UNC13C: variants seen among roughly 807,000 people sequenced by gnomAD.
UNC13C encodes the protein protein unc-13 homolog C.
In UNC13C, 174 loss-of-function variants were observed where a neutral mutation model predicts 245.4. That is an observed-to-expected ratio of 0.71 (90% confidence interval 0.63 to 0.80). The LOEUF is 0.80. Ranked by LOEUF, UNC13C falls within the 30% of genes least tolerant of loss-of-function variation. UNC13C has a pLI of 0.00. For synonymous variants in UNC13C, 992 were observed against 895.1 expected (o/e 1.11, Z -1.93); for missense variants, 2,829 against 2,602.9 (o/e 1.09, Z -1.89).
At chr15:54,329,275 A>G (rs552311169) in intron 14 of UNC13C, among the ~76,000 whole-genome samples, 12 of 151,896 alleles carry the variant, frequency 7.9e-5, no homozygotes, top group African/African-American at 2.9e-4. Flanking sequence ...TCATTTCTTC[A>G]TGTTGGGAAC....
At chr15:54,118,177 T>C (rs1229509191) in intron 2 of UNC13C, among the ~76,000 whole-genome samples, 1 of 152,164 alleles carries the variant, frequency 6.6e-6, no homozygotes, top group Non-Finnish European at 1.5e-5. Flanking sequence ...GAATTGTTTT[T>C]TCTATTTTTG....
chr15:54,188,892 G>A (rs969977118), intron 4 of UNC13C, among the ~76,000 whole-genome samples: 6 of 152,130 alleles, frequency 3.9e-5, no homozygotes, highest in African/African-American at 9.7e-5. Context: ...CTTATCTTAG[G>A]AAGAAATGCA....
the UNC13C span, among the ~76,000 whole-genome samples, chr15:53,898,866 G>T: frequency 5.9e-5 from 9 of 151,902 alleles, no homozygotes; most frequent in Middle Eastern, 3.4e-3. Flanking sequence ...GACTATATTC[G>T]CTATGCTGTA....
intron 2 of UNC13C, among the ~76,000 whole-genome samples, chr15:54,020,732 A>G (rs984860794): frequency 6.6e-6 from 1 of 152,196 alleles, no homozygotes; most frequent in Non-Finnish European, 1.5e-5. Flanking sequence ...TGAATTTAAA[A>G]TTTTAGAAAT....
chr15:53,924,871 A>G, the UNC13C span, among the ~76,000 whole-genome samples: 1 of 152,228 alleles, frequency 6.6e-6, no homozygotes. Flanking sequence ...ACCAAAAATT[A>G]ATGTTTTCCC....
chr15:54,603,396 T>C (rs1899558221), intron 30 of UNC13C, among the ~76,000 whole-genome samples: 1 of 152,212 alleles, frequency 6.6e-6, no homozygotes, highest in African/African-American at 2.4e-5. Flanking sequence ...ACACCCTGTA[T>C]AGTGAAAGAT....
At chr15:54,279,272 TAA>T (rs1450379379) in intron 10 of UNC13C, among the ~76,000 whole-genome samples, 2 of 152,198 alleles carry the variant, frequency 1.3e-5, no homozygotes, top group Non-Finnish European at 2.9e-5. Context: ...TGTGAATTCT[TAA>T]GAACATTTGC....
chr15:54,332,523 T>C (rs2038466387), intron 15 of UNC13C, among the ~76,000 whole-genome samples: 1 of 152,014 alleles, frequency 6.6e-6, no homozygotes, highest in Non-Finnish European at 1.5e-5. Flanking sequence ...TACTGCTTCA[T>C]TCTCTTTCCT....
At chr15:54,325,640 C>T (rs969444359) in intron 14 of UNC13C, among the ~76,000 whole-genome samples, 5 of 151,812 alleles carry the variant, frequency 3.3e-5, no homozygotes, top group East Asian at 1.9e-4. Flanking sequence ...ACCTCCCACT[C>T]GTGAGTGAGA....
At chr15:54,047,723 C>A (rs1245219281) in intron 2 of UNC13C, among the ~76,000 whole-genome samples, 1 of 152,092 alleles carries the variant, frequency 6.6e-6, no homozygotes, top group Non-Finnish European at 1.5e-5. Context: ...TAAGTATCTG[C>A]TTTTTAAACA....
intron 4 of UNC13C, among the ~76,000 whole-genome samples, chr15:54,226,860 T>C (rs2035399380): frequency 6.6e-6 from 1 of 152,112 alleles, no homozygotes; most frequent in Non-Finnish European, 1.5e-5. Context: ...CATCAGAAAC[T>C]GCAGAACTCC....
chr15:54,236,483 A>C, intron 6 of UNC13C, 48 bp downstream of exon 6: 1 of 1,475,334 alleles, frequency 6.8e-7, no homozygotes, highest in East Asian at 2.3e-5. Context: ...GTCTTCTCAA[A>C]CATACACTGC....
intron 1 of UNC13C, among the ~76,000 whole-genome samples, chr15:53,989,405 T>A (rs566876785): frequency 2.1e-5 from 3 of 146,120 alleles, no homozygotes; most frequent in East Asian, 4.0e-4. Context: ...TTCGTGGATT[T>A]AAAAAAAAAA....
intron 27 of UNC13C, 37 bp downstream of exon 27, chr15:54,546,882 C>T: frequency 6.5e-7 from 1 of 1,531,866 alleles, no homozygotes; most frequent in African/African-American, 1.4e-5. Context: ...TTCATTAACC[C>T]ATCTGTTTTT....
intron 4 of UNC13C, among the ~76,000 whole-genome samples, chr15:54,146,836 G>A (rs1230236726): frequency 1.3e-5 from 2 of 152,206 alleles, no homozygotes; most frequent in African/African-American, 4.8e-5. Context: ...TAGGTGAGAA[G>A]AGCCTTTGGA....
At chr15:53,849,187 T>G in the UNC13C span, among the ~76,000 whole-genome samples, 6 of 152,086 alleles carry the variant, frequency 3.9e-5, no homozygotes, top group African/African-American at 1.4e-4. Context: ...TGATGCATTT[T>G]GAACATTTAA....
chr15:54,333,282 A>G (rs1415051999), intron 15 of UNC13C, among the ~76,000 whole-genome samples: 1 of 152,064 alleles, frequency 6.6e-6, no homozygotes, highest in Non-Finnish European at 1.5e-5. Flanking sequence ...TTTAAAATCC[A>G]TAGTATTTCA....
chr15:53,939,064 T>A, the UNC13C span, among the ~76,000 whole-genome samples: 2 of 151,144 alleles, frequency 1.3e-5, no homozygotes, highest in African/African-American at 2.4e-5. Context: ...CAGGAGCTGG[T>A]TTTTTGCAAA....
chr15:53,941,501 C>A, the UNC13C span, among the ~76,000 whole-genome samples: 7 of 152,084 alleles, frequency 4.6e-5, no homozygotes, highest in African/African-American at 1.7e-4. Flanking sequence ...TCAGAGTGAA[C>A]AGACCACCTA....
Sources: allele counts gnomAD v4.1 joint callset (sites outside exome capture counted in the v4.1 genomes callset), GRCh38; gene constraint gnomAD v4.1.1; transcripts MANE v1.5; gene names NCBI Gene and HGNC (gene_info 2026-07-23, HGNC 2026-07-21).